SCFD2: variants seen among roughly 807,000 people sequenced by gnomAD.
SCFD2 encodes the protein sec1 family domain-containing protein 2.
In SCFD2, 54 loss-of-function variants were observed where a neutral mutation model predicts 58.9. The observed-to-expected ratio is 0.92, with a 90% CI of 0.74 to 1.15. The LOEUF (loss-of-function observed/expected upper bound fraction) is 1.15. SCFD2 is among the 50% of genes most tolerant of loss of function. The probability of loss-of-function intolerance (pLI) is 0.00; values close to 1 mark genes in which losing one functional copy is unlikely to be tolerated. For synonymous variants in SCFD2, 321 were observed against 335.9 expected (o/e 0.96, Z 0.49); for missense variants, 805 against 836.6 (o/e 0.96, Z 0.47).
chr4:53,148,826 A>G (rs972939870), intron 4 of SCFD2, among the ~76,000 whole-genome samples: 7 of 152,192 alleles, frequency 4.6e-5, no homozygotes, highest in African/African-American at 1.7e-4. Context: ...CCTGGGCAAC[A>G]TAGCGAGACT....
chr4:53,106,061 G>C (rs1018693618), intron 5 of SCFD2, among the ~76,000 whole-genome samples: 1 of 152,174 alleles, frequency 6.6e-6, no homozygotes, highest in African/African-American at 2.4e-5. Context: ...ACAGGGTCTG[G>C]AGTGGACCCA....
intron 5 of SCFD2, among the ~76,000 whole-genome samples, chr4:53,078,397 A>G (rs2148855589): frequency 6.6e-6 from 1 of 152,344 alleles, no homozygotes; most frequent in Admixed American, 6.5e-5. Flanking sequence ...GAGCACAGCC[A>G]TAATTAATTA....
At chr4:53,240,365 GA>G (rs1211515085) in intron 4 of SCFD2, among the ~76,000 whole-genome samples, 5 of 152,122 alleles carry the variant, frequency 3.3e-5, no homozygotes, top group Admixed American at 3.3e-4. Flanking sequence ...TCAGAAATGT[GA>G]AAAAATGGAC....
At chr4:53,334,988 G>C (rs1294562666) in intron 2 of SCFD2, among the ~76,000 whole-genome samples, 3 of 152,078 alleles carry the variant, frequency 2.0e-5, no homozygotes, top group South Asian at 4.1e-4. Context: ...CTTGAGGCCA[G>C]GAGTTCAAGA....
intron 4 of SCFD2, among the ~76,000 whole-genome samples, chr4:53,248,539 G>C (rs1052909972): frequency 2.6e-5 from 4 of 152,216 alleles, no homozygotes; most frequent in Non-Finnish European, 5.9e-5. Context: ...CAGCTTTGAA[G>C]AGAGCAGTGG....
At chr4:53,341,303 G>A (rs1560456596) in intron 2 of SCFD2, among the ~76,000 whole-genome samples, 1 of 152,132 alleles carries the variant, frequency 6.6e-6, no homozygotes, top group Non-Finnish European at 1.5e-5. Context: ...AGAACTATAT[G>A]ACACATGCAC....
chr4:53,048,361 A>C (rs1389422666), intron 5 of SCFD2, among the ~76,000 whole-genome samples: 1 of 152,148 alleles, frequency 6.6e-6, no homozygotes, highest in Non-Finnish European at 1.5e-5. Context: ...AAATGAATAA[A>C]TAAGTACATA....
intron 5 of SCFD2, among the ~76,000 whole-genome samples, chr4:53,141,054 C>T (rs1032659777): frequency 1.3e-5 from 2 of 151,998 alleles, no homozygotes; most frequent in African/African-American, 4.8e-5. Context: ...AGCTGAAATC[C>T]TAAACATTGT....
At chr4:53,011,049 A>G (rs1279862634) in intron 5 of SCFD2, among the ~76,000 whole-genome samples, 1 of 152,224 alleles carries the variant, frequency 6.6e-6, no homozygotes, top group Non-Finnish European at 1.5e-5. Flanking sequence ...CCAAAGCACT[A>G]GCTATGTCTG....
chr4:53,091,177 G>A (rs539236773), intron 5 of SCFD2, among the ~76,000 whole-genome samples: 1 of 152,212 alleles, frequency 6.6e-6, no homozygotes, highest in African/African-American at 2.4e-5. Context: ...AAATCTATGG[G>A]CTGAAGAAAG....
intron 7 of SCFD2, among the ~76,000 whole-genome samples, chr4:52,901,629 T>C (rs147035657): frequency 2.0e-4 from 30 of 152,302 alleles, no homozygotes; most frequent in African/African-American, 6.3e-4. Flanking sequence ...TACTGAGCTC[T>C]AACCAGAGTG....
chr4:53,331,623 A>G (rs1194970899), intron 2 of SCFD2, among the ~76,000 whole-genome samples: 6 of 152,126 alleles, frequency 3.9e-5, no homozygotes, highest in Non-Finnish European at 7.4e-5. Context: ...TTATAGCACT[A>G]AATGCCCACA....
intron 5 of SCFD2, among the ~76,000 whole-genome samples, chr4:52,929,929 A>G (rs1363734036): frequency 6.6e-6 from 1 of 152,196 alleles, no homozygotes; most frequent in Non-Finnish European, 1.5e-5. Context: ...ATGGCCATAT[A>G]TTCCAAAGTA....
At chr4:53,296,910 A>G (rs1732055217) in intron 3 of SCFD2, among the ~76,000 whole-genome samples, 1 of 152,176 alleles carries the variant, frequency 6.6e-6, no homozygotes, top group Non-Finnish European at 1.5e-5. Flanking sequence ...GTAGTCATTC[A>G]GGAGGAGGTT....
intron 4 of SCFD2, among the ~76,000 whole-genome samples, chr4:53,175,780 C>T (rs1336144336): frequency 6.6e-6 from 1 of 152,124 alleles, no homozygotes; most frequent in Non-Finnish European, 1.5e-5. Context: ...CCTGGATATA[C>T]CACTTAGGCT....
chr4:52,900,249 T>C (rs983773460), intron 7 of SCFD2, among the ~76,000 whole-genome samples: 2 of 152,210 alleles, frequency 1.3e-5, no homozygotes, highest in Admixed American at 6.5e-5. Flanking sequence ...TTTCTGGTTT[T>C]TCTGCTCTGT....
Position 53,271,354 on chromosome 4 carries a change from C to A in SCFD2, c.1311+2472G>T, listed in dbSNP as rs542121890. On this transcript the variant is annotated intron_variant, in intron 4 of 8. Transcript: ENST00000401642. The stretch of plus-strand genomic sequence containing the variant: ...ACACAGCACAAATGCAACAGCCTAA[C>A]TAAACATCAGTATAGATTGCATAAA... Among the ~76,000 whole-genome samples, 5 of 151,806 alleles carry A rather than the reference C, an allele frequency of 3.3e-5. No homozygotes were observed. The South Asian group carries it at 1.0e-3, about 32-fold the overall frequency.
At chr4:53,005,486 T>G (rs1721953774) in intron 5 of SCFD2, among the ~76,000 whole-genome samples, 1 of 152,188 alleles carries the variant, frequency 6.6e-6, no homozygotes, top group Admixed American at 6.5e-5. Context: ...TTTGTGAGGT[T>G]TCCCTCTCCT....
chr4:53,292,442 T>C (rs1415980627), intron 3 of SCFD2, among the ~76,000 whole-genome samples: 2 of 151,754 alleles, frequency 1.3e-5, no homozygotes, highest in African/African-American at 2.4e-5. Context: ...CCAACAAACA[T>C]ATGAAAAAAA....
Sources: gnomAD v4.1 joint callset for allele counts (sites outside exome capture counted in the v4.1 genomes callset) on GRCh38, gnomAD v4.1.1 for gene constraint, MANE v1.5 for transcripts, NCBI Gene and HGNC (gene_info 2026-07-23, HGNC 2026-07-21) for gene names.